Variants in GLRA2 observed in about 807,000 individuals in gnomAD.
GLRA2 encodes the protein glycine receptor subunit alpha-2.
Under a neutral mutation model 31.6 loss-of-function variants are expected in GLRA2, and 11 were observed. The ratio of observed to expected loss-of-function variants is 0.35; its 90% CI spans 0.22 to 0.58. The LOEUF is 0.58. Among genes scored for constraint, GLRA2 ranks in the 20% least tolerant of loss-of-function variants. The probability of loss-of-function intolerance (pLI) is 0.84; values close to 1 mark genes in which losing one functional copy is unlikely to be tolerated. For synonymous variants in GLRA2, 132 were observed against 134.0 expected (o/e 0.99, Z 0.10); for missense variants, 212 against 351.8 (o/e 0.60, Z 3.18).
At chrX:14,718,387 TA>T (rs2091820140) in intron 8 of GLRA2, among the ~76,000 whole-genome samples, 1 of 112,392 alleles carries the variant, frequency 8.9e-6, no homozygotes, top group Non-Finnish European at 1.9e-5. Context: ...ATTCTAGGTT[TA>T]GATAACTAGC....
chrX:14,629,566 G>C (rs756458414), intron 7 of GLRA2, among the ~76,000 whole-genome samples: 2 of 111,319 alleles, frequency 1.8e-5, no homozygotes, highest in African/African-American at 6.5e-5. Context: ...TTTTTAAATT[G>C]AGATGTTTAG....
At chrX:14,493,798 CAT>C in the GLRA2 span, among the ~76,000 whole-genome samples, 1 of 99,825 alleles carries the variant, frequency 1.0e-5, no homozygotes, top group African/African-American at 3.7e-5. Context: ...CACACACACA[CAT>C]ATATATGTTC....
intron 7 of GLRA2, among the ~76,000 whole-genome samples, chrX:14,676,393 C>G (rs1234217118): frequency 2.7e-5 from 3 of 112,264 alleles, no homozygotes; most frequent in Non-Finnish European, 3.8e-5. Flanking sequence ...TGTTTCTTTT[C>G]TATTACAAAA....
chrX:14,575,263 C>T (rs188152683), intron 3 of GLRA2, among the ~76,000 whole-genome samples: 44 of 107,386 alleles, frequency 4.1e-4, no homozygotes, highest in Admixed American at 1.1e-3. Flanking sequence ...TGCAGTGGCA[C>T]GATCTCGGCT....
chrX:14,521,649 A>C, the GLRA2 span, among the ~76,000 whole-genome samples: 1 of 111,112 alleles, frequency 9.0e-6, no homozygotes, highest in African/African-American at 3.3e-5. Context: ...TACCCCAATA[A>C]ATCTCTGTCA....
chrX:14,623,821 G>T (rs1322357380), intron 7 of GLRA2, among the ~76,000 whole-genome samples: 1 of 111,154 alleles, frequency 9.0e-6, no homozygotes, highest in African/African-American at 3.3e-5. Context: ...TTTTTTTGTT[G>T]TGTCTCTGCC....
At chrX:14,563,349 T>C (rs1350068643) in intron 2 of GLRA2, among the ~76,000 whole-genome samples, 6 of 112,217 alleles carry the variant, frequency 5.3e-5, no homozygotes, top group Non-Finnish European at 1.1e-4. Context: ...AAAATTCTAG[T>C]TGAACACAGG....
the GLRA2 span, among the ~76,000 whole-genome samples, chrX:14,458,969 T>A: frequency 8.9e-6 from 1 of 111,771 alleles, no homozygotes; most frequent in African/African-American, 3.3e-5. Flanking sequence ...CTGAATGGTA[T>A]TGCCTAGGTT....
At chrX:14,703,117 G>A (rs1324173233) in intron 8 of GLRA2, among the ~76,000 whole-genome samples, 2 of 111,908 alleles carry the variant, frequency 1.8e-5, no homozygotes, top group Non-Finnish European at 3.8e-5. Flanking sequence ...AAATCTGCTT[G>A]TTTAGGCTAT....
chrX:14,574,310 A>G, intron 2 of GLRA2, 23 bp from the exon 3 acceptor site: 1 of 1,079,701 alleles, frequency 9.3e-7, no homozygotes, highest in Admixed American at 2.2e-5. Context: ...TGTCTATTGC[A>G]ATATTCTCAT....
chrX:14,630,776 T>C (rs1467098370), intron 7 of GLRA2, among the ~76,000 whole-genome samples: 1 of 107,352 alleles, frequency 9.3e-6, no homozygotes, highest in African/African-American at 3.4e-5. Flanking sequence ...TTGGCAGGTT[T>C]GTCGTCTGGT....
At chrX:14,535,233 T>C (rs1203913735) in intron 2 of GLRA2, among the ~76,000 whole-genome samples, 3 of 112,383 alleles carry the variant, frequency 2.7e-5, no homozygotes, top group Non-Finnish European at 3.8e-5. Context: ...CATATTTCTC[T>C]GTTTTCCTTG....
intron 2 of GLRA2, among the ~76,000 whole-genome samples, chrX:14,561,716 CT>C (rs1385977844): frequency 8.9e-6 from 1 of 112,132 alleles, no homozygotes; most frequent in East Asian, 2.8e-4. Context: ...TAAATTTAGT[CT>C]TAAACTTATA....
the GLRA2 span, among the ~76,000 whole-genome samples, chrX:14,459,350 A>G: frequency 4.5e-5 from 5 of 111,333 alleles, no homozygotes; most frequent in Non-Finnish European, 9.4e-5. Flanking sequence ...TGACTTGGCA[A>G]TGAGGGCTCT....
intron 7 of GLRA2, among the ~76,000 whole-genome samples, chrX:14,688,108 G>C (rs1382908379): frequency 2.7e-5 from 3 of 111,869 alleles, no homozygotes; most frequent in Non-Finnish European, 5.6e-5. Context: ...GGAGGCTGCA[G>C]AACAGTGAAT....
chrX:14,544,977 G>T (rs1183333801), intron 2 of GLRA2, among the ~76,000 whole-genome samples: 1 of 110,996 alleles, frequency 9.0e-6, no homozygotes, highest in Admixed American at 9.6e-5. Context: ...TTAATCAATG[G>T]CTCCTGATTC....
chrX:14,674,017 G>A (rs1221405118), intron 7 of GLRA2, among the ~76,000 whole-genome samples: 2 of 112,191 alleles, frequency 1.8e-5, no homozygotes, highest in African/African-American at 6.5e-5. Flanking sequence ...TTCCCACAGG[G>A]GTCAGTGAGG....
upstream of GLRA2, among the ~76,000 whole-genome samples, chrX:14,528,868 G>C (rs1258142567): frequency 9.0e-6 from 1 of 111,664 alleles, no homozygotes; most frequent in Non-Finnish European, 1.9e-5. Context: ...TCTGTGACTT[G>C]CGGATGCCCA....
At chrX:14,492,643 A>G in the GLRA2 span, among the ~76,000 whole-genome samples, 1 of 111,726 alleles carries the variant, frequency 9.0e-6, no homozygotes, top group Non-Finnish European at 1.9e-5. Flanking sequence ...GATCTCACAC[A>G]TTACTGATGG....
Sources: gnomAD v4.1 joint callset for allele counts (sites outside exome capture counted in the v4.1 genomes callset) on GRCh38, gnomAD v4.1.1 for gene constraint, MANE v1.5 for transcripts, NCBI Gene and HGNC (gene_info 2026-07-23, HGNC 2026-07-21) for gene names.